Variants in APPL2 observed in about 807,000 individuals in gnomAD.
APPL2 encodes the protein adaptor protein, phosphotyrosine interacting with PH domain and leucine zipper 2, also known as DCC-interacting protein 13-beta.
In APPL2, 84 loss-of-function variants were observed where a neutral mutation model predicts 92.7. That is an observed-to-expected ratio of 0.91 (90% CI 0.76 to 1.09). APPL2 has a LOEUF of 1.09. Ranked by LOEUF, APPL2 falls within the 50% of genes least tolerant of loss-of-function variation. The pLI is 0.00. For synonymous variants in APPL2, 291 were observed against 291.0 expected (o/e 1.00, Z 0.00); for missense variants, 736 against 824.5 (o/e 0.89, Z 1.31).
chr12:105,198,019 C>T (rs918824380), intron 10 of APPL2, 66 bp from the exon 11 acceptor site: 37 of 1,517,874 alleles, frequency 2.4e-5, no homozygotes, highest in Non-Finnish European at 3.1e-5. Context: ...CCAAGTCTTG[C>T]TACCTCGTTA....
chr12:105,228,953 CAGACTGTCCTT>C (rs1440672922), intron 2 of APPL2, among the ~76,000 whole-genome samples, 161 bp downstream of exon 2: 1 of 152,180 alleles, frequency 6.6e-6, no homozygotes, highest in African/African-American at 2.4e-5. Context: ...GCAATGAGAA[CAGACTGTCCTT>C]AGGTTTTTGA....
At chr12:105,206,393 G>A (rs1888703379) in intron 8 of APPL2, among the ~76,000 whole-genome samples, 1 of 152,120 alleles carries the variant, frequency 6.6e-6, no homozygotes, top group Non-Finnish European at 1.5e-5. Context: ...AACGTGAGTG[G>A]GGCAAACGCA....
intron 9 of APPL2, among the ~76,000 whole-genome samples, chr12:105,200,303 T>G (rs1158793906): frequency 6.6e-6 from 1 of 152,214 alleles, no homozygotes; most frequent in Non-Finnish European, 1.5e-5. Flanking sequence ...CCTCCCCTGC[T>G]CTTGGTTTAG....
intron 2 of APPL2, among the ~76,000 whole-genome samples, chr12:105,228,180 A>T (rs1890664712): frequency 6.6e-6 from 1 of 152,216 alleles, no homozygotes; most frequent in African/African-American, 2.4e-5. Flanking sequence ...TATACTACTG[A>T]ATGTGGTATA....
rs371085355 is a variant in APPL2 at position 105,190,050 on chromosome 12, C to T, written c.1347G>A (p.Pro449=). Residue 449 remains proline (P), a synonymous_variant, in exon 15 of 21, where the codon CCG becomes CCA. Coordinates refer to ENST00000258530, the MANE Select transcript of APPL2 (RefSeq NM_018171.5). Reference sequence around the variant, plus strand: ...CAGGAAGCACAATATCGAATTGAATCGGCGTTCCAGGCGCGATCAGCTCCT... The same window carrying T: ...CAGGAAGCACAATATCGAATTGAATTGGCGTTCCAGGCGCGATCAGCTCCT... ...EAEELIAPGT[P]IQFDIVLPAT... 9.9e-6 allele frequency: 16 copies of T among 1,614,088 alleles called. No homozygotes were observed. The highest frequency in any genetic ancestry group is 2.2e-5 in the South Asian group (2 of 91,084).
At chr12:105,219,353 G>A (rs1034562466) in intron 2 of APPL2, among the ~76,000 whole-genome samples, 7 of 152,140 alleles carry the variant, frequency 4.6e-5, no homozygotes, top group African/African-American at 1.7e-4. Flanking sequence ...TTCCTCAGAA[G>A]AAAGTCAGAC....
chr12:105,229,335 G>C, intron 1 of APPL2, 112 bp from the exon 2 acceptor site: 1 of 1,002,044 alleles, frequency 1.0e-6, no homozygotes, highest in Non-Finnish European at 1.4e-6. Context: ...AGGAAAGAAA[G>C]GTACCTGTTG....
chr12:105,202,695 T>C (rs536637805), intron 9 of APPL2, among the ~76,000 whole-genome samples: 1 of 152,358 alleles, frequency 6.6e-6, no homozygotes, highest in Admixed American at 6.5e-5. Context: ...AGTTGGTTTC[T>C]AGCATAATTA....
chr12:105,230,702 C>T (rs3794222), intron 1 of APPL2, among the ~76,000 whole-genome samples: 29,772 of 152,172 alleles, frequency 0.2, 3,115 homozygotes, highest in East Asian at 0.35. Context: ...TCCCACCACA[C>T]ATGCTCTACC....
chr12:105,199,484 T>G lies in APPL2; in HGVS notation c.752A>C (p.Gln251Pro). The change falls in exon 10 of 21, where the codon CAG becomes CCG. Residue 251 changes from glutamine to proline, a missense_variant. Physicochemically the swap from Gln to Pro is moderately conservative, Grantham distance 76 (BLOSUM62 -1). Coordinates refer to ENST00000258530, the MANE Select transcript of APPL2 (RefSeq NM_018171.5). ...EAEAEKMRVSQQELLSVDESV... is the reference protein window; with the variant it reads ...EAEAEKMRVSPQELLSVDESV... ...TTCATCAACAGAAAGTAATTCTTGCTGGGACACCCGCATCTTTTCCGCCTC... is the reference window on the plus strand; with the variant it reads ...TTCATCAACAGAAAGTAATTCTTGCGGGGACACCCGCATCTTTTCCGCCTC... The G allele has an allele frequency of 6.2e-7, 1 of 1,614,134 alleles. No individual in the cohort carries two copies. The highest frequency in any genetic ancestry group is 8.5e-7 in the Non-Finnish European group (1 of 1,180,040).
intron 1 of APPL2, among the ~76,000 whole-genome samples, chr12:105,234,266 C>G (rs1271263386): frequency 6.6e-6 from 1 of 152,170 alleles, no homozygotes; most frequent in African/African-American, 2.4e-5. Context: ...TCTAAAGCAC[C>G]TTGAAGATCA....
chr12:105,202,207 G>C (rs117549666), intron 9 of APPL2, among the ~76,000 whole-genome samples: 1,597 of 152,318 alleles, frequency 0.01, 13 homozygotes, highest in Non-Finnish European at 0.015. Flanking sequence ...TCAGACAGAG[G>C]GGGTAACTCA....
chr12:105,195,224 C>T (rs573034685), intron 14 of APPL2, 37 bp downstream of exon 14: 4 of 1,596,884 alleles, frequency 2.5e-6, no homozygotes, highest in East Asian at 4.5e-5. Flanking sequence ...AATAATTTGG[C>T]TCCACAAAAG....
chr12:105,219,332 C>T (rs1173728499), intron 2 of APPL2, among the ~76,000 whole-genome samples: 1 of 152,172 alleles, frequency 6.6e-6, no homozygotes, highest in Non-Finnish European at 1.5e-5. Flanking sequence ...GACCAGGAAA[C>T]GTGGCTCTTT....
intron 8 of APPL2, among the ~76,000 whole-genome samples, 179 bp from the exon 9 acceptor site, chr12:105,203,964 CCA>C (rs1888471746): frequency 6.6e-6 from 1 of 152,216 alleles, no homozygotes; most frequent in African/African-American, 2.4e-5. Flanking sequence ...GAAACTGAAA[CCA>C]CAGTTGCTGG....
intron 14 of APPL2, among the ~76,000 whole-genome samples, chr12:105,192,749 G>A (rs1179613213): frequency 1.3e-5 from 2 of 152,122 alleles, no homozygotes; most frequent in Non-Finnish European, 2.9e-5. Flanking sequence ...CTCAGCCTGT[G>A]CTTACCTTTT....
chr12:105,179,202 G>A (rs1397878812), intron 17 of APPL2, among the ~76,000 whole-genome samples: 1 of 152,086 alleles, frequency 6.6e-6, no homozygotes, highest in Non-Finnish European at 1.5e-5. Flanking sequence ...TGTTCTCATT[G>A]TTCAGCTCCC....
At chr12:105,226,262 C>G (rs991980360) in intron 2 of APPL2, among the ~76,000 whole-genome samples, 2 of 152,072 alleles carry the variant, frequency 1.3e-5, no homozygotes, top group African/African-American at 4.8e-5. Context: ...CCTGAAAAAC[C>G]AAGTGTCCTT....
intron 14 of APPL2, among the ~76,000 whole-genome samples, chr12:105,190,740 G>C (rs1887123220): frequency 6.6e-6 from 1 of 152,162 alleles, no homozygotes; most frequent in Non-Finnish European, 1.5e-5. Flanking sequence ...CTGAACTCCT[G>C]TGATTCTTCT....
Sources: allele counts gnomAD v4.1 joint callset (sites outside exome capture counted in the v4.1 genomes callset), GRCh38; gene constraint gnomAD v4.1.1; transcripts MANE v1.5; gene names NCBI Gene and HGNC (gene_info 2026-07-23, HGNC 2026-07-21).